The following KIRREL3 variants were observed in gnomAD, a reference collection of about 807,000 sequenced individuals.
KIRREL3 encodes the protein kirre like nephrin family adhesion molecule 3, also known as kin of IRRE-like protein 3.
Under a neutral mutation model 89.7 loss-of-function variants are expected in KIRREL3, and 36 were observed. The observed-to-expected ratio is 0.40, with a 90% CI of 0.31 to 0.53. The LOEUF is 0.53. KIRREL3 is among the 20% of genes least tolerant of loss of function. KIRREL3 has a pLI of 0.49. For missense variants in KIRREL3, 864 were observed against 1,056.6 expected, an observed-to-expected ratio of 0.82 and a Z score of 2.53; for synonymous variants, 445 against 441.4, an observed-to-expected ratio of 1.01 and a Z score of -0.10.
chr11:126,546,012 T>G (rs513444), intron 2 of KIRREL3, among the ~76,000 whole-genome samples: 134,041 of 152,278 alleles, frequency 0.88, 59,325 homozygotes, highest in East Asian at 1. Context: ...GTGGAAAATG[T>G]GAGTGATAAT....
intron 5 of KIRREL3, among the ~76,000 whole-genome samples, chr11:126,468,372 G>A (rs775874016): frequency 3.9e-5 from 6 of 152,250 alleles, no homozygotes; most frequent in Non-Finnish European, 8.8e-5. Flanking sequence ...GCCGACACCC[G>A]CTGGGAGCCT....
In KIRREL3 at chr11:126,814,596, G is replaced by T. The variant is rs1219149616; in HGVS notation, c.55+185859C>A. Among the ~76,000 whole-genome samples the T allele has an allele frequency of 6.6e-6, 1 of 152,190 alleles. No individual in the cohort carries two copies. The highest frequency in any genetic ancestry group is 1.5e-5 in the Non-Finnish European group (1 of 68,046). On this transcript the variant is annotated intron_variant, in intron 1 of 16. Coordinates refer to ENST00000525144, the MANE Select transcript of KIRREL3 (RefSeq NM_032531.4). The surrounding 1 kb of genome is among the most constrained non-coding windows in gnomAD (Gnocchi z 4.4). Reference sequence around the variant, plus strand: ...TGGAATACTATGCAGCCATAAAAAGGAATGAGATCATGTCCTTTGCAGGGA... The same window carrying T: ...TGGAATACTATGCAGCCATAAAAAGTAATGAGATCATGTCCTTTGCAGGGA...
At chr11:126,848,483 A>G (rs7929156) in intron 1 of KIRREL3, among the ~76,000 whole-genome samples, 148,568 of 152,272 alleles carry the variant, frequency 0.98, 72,510 homozygotes, top group East Asian at 1. Context: ...ACCAACCAGT[A>G]ATCTCAGGCT....
rs76760638 is a variant in KIRREL3 at position 126,917,220 on chromosome 11, C to T, written c.55+83235G>A. Reference sequence around the variant, plus strand: ...CAGACACAGAAGGATATATATTGTACGATTCCACTTATATGAAGTATTCAG... The same window carrying T: ...CAGACACAGAAGGATATATATTGTATGATTCCACTTATATGAAGTATTCAG... On this transcript the variant is annotated intron_variant, in intron 1 of 16. Transcript: ENST00000525144. The surrounding 1 kb of genome is among the most constrained non-coding windows in gnomAD (Gnocchi z 5.0). Among the ~76,000 whole-genome samples, 37 of 152,010 alleles carry T rather than the reference C, an allele frequency of 2.4e-4. No individual in the cohort carries two copies. The highest frequency in any genetic ancestry group is 7.2e-4 in the African/African-American group (30 of 41,458).
At chr11:126,932,399 G>A (rs1047936222) in intron 1 of KIRREL3, among the ~76,000 whole-genome samples, 3 of 152,174 alleles carry the variant, frequency 2.0e-5, no homozygotes, top group East Asian at 1.9e-4. Flanking sequence ...AACCCAACAA[G>A]CAGCAGGTTC....
intron 1 of KIRREL3, among the ~76,000 whole-genome samples, chr11:126,882,507 A>G (rs2134720041): frequency 7.0e-6 from 1 of 143,874 alleles, no homozygotes; most frequent in Admixed American, 7.1e-5. Flanking sequence ...TGTGACCAGG[A>G]GAAACGCTCT....
intron 1 of KIRREL3, among the ~76,000 whole-genome samples, chr11:126,930,226 A>AT (rs1297960019): frequency 1.3e-5 from 2 of 149,892 alleles, no homozygotes; most frequent in Non-Finnish European, 1.5e-5. Context: ...ATGCGTGTGT[A>AT]TTTTTTTTCT....
At chr11:126,661,581 C>T (rs573584243) in intron 1 of KIRREL3, among the ~76,000 whole-genome samples, 2 of 152,298 alleles carry the variant, frequency 1.3e-5, no homozygotes, top group African/African-American at 4.8e-5. Context: ...CCTGGGCCCA[C>T]CTCTAATCAA....
At chr11:126,963,185 C>T (rs1170343122) in intron 1 of KIRREL3, among the ~76,000 whole-genome samples, 1 of 152,100 alleles carries the variant, frequency 6.6e-6, no homozygotes, top group Non-Finnish European at 1.5e-5. Flanking sequence ...GCTGAGAGCA[C>T]TGATAAAATA....
In KIRREL3 at chr11:126,505,782, AAC is replaced by A. The variant is rs377716391; in HGVS notation, c.433+15531_433+15532del. 7.4e-4 allele frequency among the ~76,000 whole-genome samples: 112 copies of A among 152,338 alleles called. 1 individual carries two copies. The highest frequency in any genetic ancestry group is 2.7e-3 in the African/African-American group (111 of 41,570). ...ACAAGATGTACACTGAGAACTAGAAAACACTGCTGAGAAAAATTGAAGACGTA... is the reference window on the plus strand; with the variant it reads ...ACAAGATGTACACTGAGAACTAGAAAACTGCTGAGAAAAATTGAAGACGTA... On this transcript the variant is annotated intron_variant, in intron 4 of 16. Transcript: ENST00000525144.
chr11:126,552,550 GTTTTTT>G (rs59392843), intron 2 of KIRREL3, among the ~76,000 whole-genome samples: 38 of 81,736 alleles, frequency 4.6e-4, no homozygotes, highest in African/African-American at 1.3e-3. Flanking sequence ...AGAGAGAAAA[GTTTTTT>G]TTTTTTTTTT....
chr11:126,554,031 C>T (rs778704752), intron 2 of KIRREL3, among the ~76,000 whole-genome samples: 5 of 152,134 alleles, frequency 3.3e-5, no homozygotes, highest in Non-Finnish European at 5.9e-5. Context: ...ACGTGTTGAT[C>T]GAATCCAGCA....
chr11:126,547,978 T>C (rs573245), intron 2 of KIRREL3, among the ~76,000 whole-genome samples: 137,072 of 152,194 alleles, frequency 0.9, 61,965 homozygotes, highest in East Asian at 1. Flanking sequence ...CCTCAGAATG[T>C]GGATAACACT....
rs532781928 is a variant in KIRREL3 at position 126,574,676 on chromosome 11, C to A, written c.56-11764G>T. On this transcript the variant is annotated intron_variant, in intron 1 of 16. Transcript: ENST00000525144. This position sits in a 1 kb window ranked among gnomAD's most constrained non-coding sequence, Gnocchi z 5.3. ...ACGAGGGTGGCTGGGATAGTGTGTGCTTACATGTGTGCACGCATTTGGAGA... is the reference window on the plus strand; with the variant it reads ...ACGAGGGTGGCTGGGATAGTGTGTGATTACATGTGTGCACGCATTTGGAGA... Among the ~76,000 whole-genome samples, 1 of 152,242 alleles carries A rather than the reference C, an allele frequency of 6.6e-6. No homozygotes were observed. Among genetic ancestry groups the A allele is most frequent in the South Asian group, 2.1e-4 (1 of 4,818 alleles).
At chr11:126,861,415 A>G (rs1271537726) in intron 1 of KIRREL3, among the ~76,000 whole-genome samples, 1 of 152,028 alleles carries the variant, frequency 6.6e-6, no homozygotes. Flanking sequence ...TACGGGGCAG[A>G]GAAAGAGAGA....
chr11:126,447,208 C>T (rs1955853705), intron 8 of KIRREL3, among the ~76,000 whole-genome samples: 1 of 152,212 alleles, frequency 6.6e-6, no homozygotes, highest in African/African-American at 2.4e-5. Context: ...CGGCTCTCAT[C>T]CCCTTCCCTC....
chr11:126,500,040 TG>T (rs1957804851), intron 4 of KIRREL3, among the ~76,000 whole-genome samples: 1 of 152,206 alleles, frequency 6.6e-6, no homozygotes, highest in Non-Finnish European at 1.5e-5. Flanking sequence ...AATGTATTAA[TG>T]GGAAGCTTCT....
rs1202337306 is a variant in KIRREL3, at chr11:126,622,058, G to T, written c.56-59146C>A. 6.6e-6 allele frequency among the ~76,000 whole-genome samples: 1 copy of T among 152,154 alleles called. No homozygotes were observed. The highest frequency in any genetic ancestry group is 1.5e-5 in the Non-Finnish European group (1 of 68,038). Reference sequence around the variant, plus strand: ...GGTGCTGCCCATGGGCTGGGTGAATGGTGGTGGGTGTGGTAATGGGGCATT... The same window carrying T: ...GGTGCTGCCCATGGGCTGGGTGAATTGTGGTGGGTGTGGTAATGGGGCATT... On this transcript the variant is annotated intron_variant, in intron 1 of 16. Coordinates refer to ENST00000525144, the MANE Select transcript of KIRREL3 (RefSeq NM_032531.4). The surrounding 1 kb of genome is among the most constrained non-coding windows in gnomAD (Gnocchi z 5.2).
Position 126,744,239 on chromosome 11 carries a change from CT to C in KIRREL3, c.56-181328del, listed in dbSNP as rs58585835. Among the ~76,000 whole-genome samples the C allele has an allele frequency of 7.7e-3, 1,133 of 147,696 alleles. 12 individuals carry two copies. Among genetic ancestry groups the C allele is most frequent in the South Asian group, 0.031 (143 of 4,618 alleles). On this transcript the variant is annotated intron_variant, in intron 1 of 16. Coordinates refer to ENST00000525144, the MANE Select transcript of KIRREL3 (RefSeq NM_032531.4). The surrounding 1 kb of genome is among the most constrained non-coding windows in gnomAD (Gnocchi z 4.7). Reference sequence around the variant, plus strand: ...TTGGTTTGTCTTCTGAAACACACAACTTTTTTTTTTTTTATGGGTGGAAAGC... The same window carrying C: ...TTGGTTTGTCTTCTGAAACACACAACTTTTTTTTTTTTATGGGTGGAAAGC...
Sources: allele counts gnomAD v4.1 joint callset (sites outside exome capture counted in the v4.1 genomes callset), GRCh38; gene constraint gnomAD v4.1.1; non-coding constraint Gnocchi (gnomAD v3.1); transcripts MANE v1.5; gene names NCBI Gene and HGNC (gene_info 2026-07-23, HGNC 2026-07-21).